The following NCOR2 variants were observed in gnomAD, a reference collection of about 807,000 sequenced individuals.
NCOR2 encodes nuclear receptor corepressor 2, also known as CTG repeat protein 26.
A neutral mutation model predicts 262.9 loss-of-function variants in NCOR2; 81 were observed. That is an observed-to-expected ratio of 0.31 (90% CI 0.26 to 0.37). The LOEUF (loss-of-function observed/expected upper bound fraction) is 0.37. Among genes scored for constraint, NCOR2 ranks in the 10% least tolerant of loss-of-function variants. The pLI, the probability that NCOR2 is intolerant of heterozygous loss-of-function variation, is 1.00. For synonymous variants in NCOR2, 1,659 were observed against 1,559.3 expected (o/e 1.06, Z -1.51); for missense variants, 3,385 against 3,621.4 (o/e 0.93, Z 1.68).
intron 1 of NCOR2, among the ~76,000 whole-genome samples, chr12:124,551,544 A>C (rs936244084): frequency 4.6e-5 from 7 of 152,166 alleles, no homozygotes; most frequent in Non-Finnish European, 8.8e-5. Context: ...TACAGCCCCG[A>C]GTCTGGTGTC....
At position 124,494,758 on chromosome 12, in the gene NCOR2, C is replaced by T. The variant is rs115784796; in HGVS notation, c.105+389G>A. 6.7e-3 allele frequency among the ~76,000 whole-genome samples: 1,016 copies of T among 152,272 alleles called. 13 individuals carry two copies. The highest frequency in any genetic ancestry group is 0.022 in the African/African-American group (928 of 41,560). Reference sequence around the variant, plus strand: ...GGAAGGGGAGCTGTGACCTATCCGGCCCCCTTGCCCCCTGGAAGCCACCCC... The same window carrying T: ...GGAAGGGGAGCTGTGACCTATCCGGTCCCCTTGCCCCCTGGAAGCCACCCC... On this transcript the variant is annotated intron_variant, in intron 1 of 46. Coordinates refer to ENST00000405201, the Ensembl canonical transcript of NCOR2.
At chr12:124,505,613 G>C (rs1283310551) in intron 1 of NCOR2, among the ~76,000 whole-genome samples, 1 of 152,176 alleles carries the variant, frequency 6.6e-6, no homozygotes, top group Non-Finnish European at 1.5e-5. Flanking sequence ...TTCCACAGCT[G>C]TGTGACCTTG....
At position 124,389,562 on chromosome 12, in the gene NCOR2, G is replaced by A. The variant is rs1300118474; in HGVS notation, c.1877-3675C>T. Among the ~76,000 whole-genome samples the A allele has an allele frequency of 2.0e-5, 3 of 146,512 alleles. No individual in the cohort carries two copies. The highest frequency in any genetic ancestry group is 2.3e-4 in the South Asian group (1 of 4,276). On this transcript the variant is annotated intron_variant, in intron 16 of 46. Transcript: ENST00000405201. The surrounding 1 kb of genome is among the most constrained non-coding windows in gnomAD (Gnocchi z 4.4). ...GCTTCTTCCGCCATCATCCCCCGCCGCCCGTCCCCCCACCCTCCGTGTCAG... is the reference window on the plus strand; with the variant it reads ...GCTTCTTCCGCCATCATCCCCCGCCACCCGTCCCCCCACCCTCCGTGTCAG...
intron 4 of NCOR2, among the ~76,000 whole-genome samples, chr12:124,467,663 C>G (rs189352034): frequency 2.4e-5 from 3 of 126,366 alleles, no homozygotes; most frequent in Non-Finnish European, 5.1e-5. Flanking sequence ...TCTTCATCAC[C>G]CCATCACCCT....
intron 4 of NCOR2, 63 bp from the exon 7 acceptor site, chr12:124,466,349 C>T (rs1383482011): frequency 6.7e-7 from 1 of 1,503,666 alleles, no homozygotes; most frequent in Non-Finnish European, 9.0e-7. Context: ...GGCTGCAGCC[C>T]CCAGGGCGCG....
At position 124,398,193 on chromosome 12, in the gene NCOR2, A is replaced by G; in HGVS notation, c.1814-12T>C. 6.2e-7 allele frequency: 1 copy of G among 1,614,162 alleles called. No homozygotes were observed. The highest frequency in any genetic ancestry group is 8.5e-7 in the Non-Finnish European group (1 of 1,179,976). On this transcript the variant is annotated splice_polypyrimidine_tract_variant and intron_variant, in intron 15 of 46. Transcript: ENST00000405201. ...CAGCTCCATGGAGGCTGAAAAGAAGATGCCAGGTTATTGGCAGGAGCCGGG... is the reference window on the plus strand; with the variant it reads ...CAGCTCCATGGAGGCTGAAAAGAAGGTGCCAGGTTATTGGCAGGAGCCGGG...
intron 5 of NCOR2, among the ~76,000 whole-genome samples, chr12:124,465,082 G>A (rs555867782): frequency 2.0e-5 from 3 of 152,116 alleles, no homozygotes; most frequent in Non-Finnish European, 4.4e-5. Context: ...CACGTGACTC[G>A]AGGCCTCCCC....
In NCOR2 at chr12:124,549,251, C is replaced by T. The variant is rs1401869749; in HGVS notation, c.-164-13640G>A. On this transcript the variant is annotated intron_variant, in intron 1 of 32. Transcript: ENST00000458234. This position sits in a 1 kb window ranked among gnomAD's most constrained non-coding sequence, Gnocchi z 4.4. The stretch of plus-strand genomic sequence containing the variant: ...GTGGCATGTGCCGCACTGAGACAGG[C>T]AGGCACGCAGCTGAGGGGCTGGCGG... Among the ~76,000 whole-genome samples the T allele has an allele frequency of 9.9e-5, 15 of 151,922 alleles. No homozygotes were observed. The highest frequency in any genetic ancestry group is 2.9e-5 in the Non-Finnish European group (2 of 67,998).
intron 27 of NCOR2, 100 bp from the exon 30 acceptor site, chr12:124,350,837 G>T: frequency 7.8e-7 from 1 of 1,282,390 alleles, no homozygotes; most frequent in Non-Finnish European, 1.1e-6. Context: ...TGTGCCCACC[G>T]ATGCACACGC....
intron 10 of NCOR2, among the ~76,000 whole-genome samples, chr12:124,428,278 G>A (rs1014672266): frequency 6.6e-6 from 1 of 152,248 alleles, no homozygotes; most frequent in African/African-American, 2.4e-5. Context: ...AGCCTTCGAG[G>A]GCCGGGCCCT....
At chr12:124,353,249 G>T (rs1432402705) in intron 27 of NCOR2, among the ~76,000 whole-genome samples, 1 of 152,228 alleles carries the variant, frequency 6.6e-6, no homozygotes, top group Non-Finnish European at 1.5e-5. Context: ...AAGGGGAAAC[G>T]GAGTCAGGGC....
At chr12:124,427,224 T>C (rs989495592) in intron 10 of NCOR2, among the ~76,000 whole-genome samples, 4 of 152,142 alleles carry the variant, frequency 2.6e-5, no homozygotes, top group African/African-American at 7.2e-5. Context: ...CCCCACAGCA[T>C]GCAGGCAGCC....
chr12:124,459,671 T>C (rs925928595), intron 5 of NCOR2, among the ~76,000 whole-genome samples: 1 of 152,162 alleles, frequency 6.6e-6, no homozygotes. Context: ...GAAGTGCATG[T>C]CATCCCTTCC....
At position 124,409,974 on chromosome 12, in the gene NCOR2, G is replaced by A. The variant is rs184186543; in HGVS notation, c.1483-7413C>T. Among the ~76,000 whole-genome samples the A allele has an allele frequency of 4.0e-5, 6 of 151,596 alleles. No homozygotes were observed. In the South Asian group the frequency reaches 6.3e-4, roughly 16 times the overall value. Reference sequence around the variant, plus strand: ...GATTACAGGCATGAGCCACCGCACCGGGGTGACCTTGTTTGTCTTGTCCAC... The same window carrying A: ...GATTACAGGCATGAGCCACCGCACCAGGGTGACCTTGTTTGTCTTGTCCAC... On this transcript the variant is annotated intron_variant, in intron 13 of 46. Coordinates refer to ENST00000405201, the Ensembl canonical transcript of NCOR2.
At chr12:124,388,970 G>T in intron 16 of NCOR2, 2 of 740,188 alleles carry the variant, frequency 2.7e-6, no homozygotes, top group Non-Finnish European at 3.7e-6. Flanking sequence ...TCACAAGTCC[G>T]CCTGCCTGTG....
intron 24 of NCOR2, 167 bp downstream of exon 26, chr12:124,355,265 C>T (rs981904975): frequency 1.0e-5 from 8 of 776,954 alleles, no homozygotes; most frequent in Non-Finnish European, 1.6e-5. Context: ...AGGGACGAGG[C>T]CCTGAGTGCC....
At chr12:124,358,786 C>T (rs932428710) in intron 22 of NCOR2, among the ~76,000 whole-genome samples, 23 of 151,926 alleles carry the variant, frequency 1.5e-4, no homozygotes, top group Admixed American at 5.9e-4. Context: ...AGGGCATTAC[C>T]GAGAGGTCAT....
At chr12:124,390,614 C>A (rs2041237316) in intron 16 of NCOR2, among the ~76,000 whole-genome samples, 2 of 152,226 alleles carry the variant, frequency 1.3e-5, no homozygotes, top group African/African-American at 2.4e-5. Flanking sequence ...TCTCTGCCAC[C>A]CGTCTGGGTC....
chr12:124,381,317 G>A (rs998582726), intron 17 of NCOR2, among the ~76,000 whole-genome samples: 2 of 152,004 alleles, frequency 1.3e-5, no homozygotes, highest in Non-Finnish European at 2.9e-5. Context: ...CACCTCCTTC[G>A]GGCCTTAGCT....
Sources: gnomAD v4.1 joint callset for allele counts (sites outside exome capture counted in the v4.1 genomes callset) on GRCh38, gnomAD v4.1.1 for gene constraint, Gnocchi (gnomAD v3.1) non-coding constraint, MANE v1.5 for transcripts, NCBI Gene and HGNC (gene_info 2026-07-23, HGNC 2026-07-21) for gene names.